Variants in KCNK10 observed in about 807,000 individuals in gnomAD.
KCNK10 encodes potassium two pore domain channel subfamily K member 10.
Under a neutral mutation model 47.7 loss-of-function variants are expected in KCNK10, and 25 were observed. The ratio of observed to expected loss-of-function variants is 0.52; its 90% CI spans 0.38 to 0.73. KCNK10 has a LOEUF of 0.73. Ranked by LOEUF, KCNK10 falls within the 30% of genes least tolerant of loss-of-function variation. The pLI, the probability that KCNK10 is intolerant of heterozygous loss-of-function variation, is 0.00. For missense variants in KCNK10, 563 were observed against 714.5 expected (o/e 0.79, Z 2.42); for synonymous variants, 303 against 285.6 (o/e 1.06, Z -0.61).
At chr14:88,297,497 T>A (rs1888009442) in intron 1 of KCNK10, among the ~76,000 whole-genome samples, 1 of 152,212 alleles carries the variant, frequency 6.6e-6, no homozygotes, top group Non-Finnish European at 1.5e-5. Flanking sequence ...ACAGTTTTGG[T>A]TCCTATTAGC....
intron 1 of KCNK10, among the ~76,000 whole-genome samples, chr14:88,273,574 G>T (rs148957933): frequency 8.1e-4 from 124 of 152,276 alleles, no homozygotes; most frequent in African/African-American, 2.6e-3. Context: ...GCTATTCCTT[G>T]TGTGTGCTGA....
chr14:88,303,493 C>T (rs1888145598), intron 1 of KCNK10, among the ~76,000 whole-genome samples: 1 of 151,880 alleles, frequency 6.6e-6, no homozygotes, highest in African/African-American at 2.4e-5. Context: ...CTGTGAAAGG[C>T]CTAAAGGAAT....
chr14:88,204,742 A>C (rs1885209836), intron 4 of KCNK10, among the ~76,000 whole-genome samples: 1 of 152,118 alleles, frequency 6.6e-6, no homozygotes, highest in Non-Finnish European at 1.5e-5. Context: ...TGATTTTTTT[A>C]GAACCATTTT....
At chr14:88,224,365 A>G (rs1372537086) in intron 4 of KCNK10, among the ~76,000 whole-genome samples, 3 of 152,234 alleles carry the variant, frequency 2.0e-5, no homozygotes, top group Non-Finnish European at 2.9e-5. Flanking sequence ...TTTGATCTCC[A>G]TCTGACTCCT....
chr14:88,214,655 C>T (rs1032741183), intron 4 of KCNK10, among the ~76,000 whole-genome samples: 4 of 152,052 alleles, frequency 2.6e-5, no homozygotes, highest in Admixed American at 2.0e-4. Flanking sequence ...GATTAACCTC[C>T]AAGAAAAGAG....
intron 4 of KCNK10, among the ~76,000 whole-genome samples, chr14:88,217,743 G>A (rs1204829285): frequency 6.8e-6 from 1 of 147,616 alleles, no homozygotes; most frequent in Admixed American, 6.7e-5. Context: ...TTTTTTTTGA[G>A]ACAGAGTTTC....
intron 1 of KCNK10, among the ~76,000 whole-genome samples, chr14:88,320,198 G>A (rs1389805648): frequency 2.0e-5 from 3 of 152,292 alleles, no homozygotes; most frequent in African/African-American, 7.2e-5. Context: ...GAAAATAATT[G>A]TATGAAACAA....
chr14:88,207,329 C>T (rs1223726468), intron 4 of KCNK10, among the ~76,000 whole-genome samples: 7 of 152,100 alleles, frequency 4.6e-5, no homozygotes, highest in Admixed American at 2.0e-4. Context: ...CCCGCCATCG[C>T]GCCCGGCTAA....
chr14:88,263,400 C>T lies in KCNK10; in HGVS notation c.204G>A (p.Leu68=), dbSNP rs770934676. The change falls in exon 2 of 7, where the codon TTG becomes TTA. Residue 68 remains leucine (L), a synonymous_variant. Transcript: ENST00000319231. ...CCGTCTTCCACTTCATGACGGTCTGCAAGCCCCCTTGGGAGGTGCCTTCCA... is the reference window on the plus strand; with the variant it reads ...CCGTCTTCCACTTCATGACGGTCTGTAAGCCCCCTTGGGAGGTGCCTTCCA... The part of the protein sequence containing the change: ...ARMEGTSQGG[L]QTVMKWKTVV... 131 of 1,614,016 alleles carry T rather than the reference C, an allele frequency of 8.1e-5. No individual in the cohort carries two copies. The highest frequency in any genetic ancestry group is 3.2e-4 in the Admixed American group (19 of 60,012).
chr14:88,272,377 G>A (rs541538115), intron 1 of KCNK10, among the ~76,000 whole-genome samples: 12 of 152,254 alleles, frequency 7.9e-5, no homozygotes, highest in Admixed American at 2.0e-4. Context: ...CAGTGCCACC[G>A]AAGAGGAGAC....
chr14:88,215,276 G>A (rs1019516200), intron 4 of KCNK10, among the ~76,000 whole-genome samples: 6 of 152,128 alleles, frequency 3.9e-5, no homozygotes, highest in South Asian at 4.1e-4. Flanking sequence ...TCACAGTTCC[G>A]CATGGCCGAG....
At chr14:88,213,302 G>A (rs1045692805) in intron 4 of KCNK10, among the ~76,000 whole-genome samples, 8 of 152,052 alleles carry the variant, frequency 5.3e-5, no homozygotes, top group East Asian at 1.9e-4. Context: ...AAAAAATTAC[G>A]ATAATTTTTT....
rs1471796445 is a variant in KCNK10 at position 88,191,462 on chromosome 14, G to A, written c.868+762C>T. ...AACTGATCACTTGTCTGAACATCTA[G>A]AACTATCCTATTAGAAAAAGAGAAG... is the stretch of plus-strand genomic sequence containing the variant. On this transcript the variant is annotated intron_variant, in intron 5 of 6. Coordinates refer to ENST00000319231, the MANE Select transcript of KCNK10 (RefSeq NM_138317.3). Among the ~76,000 whole-genome samples the A allele has an allele frequency of 3.9e-5, 6 of 152,106 alleles. No homozygotes were observed. In the East Asian group the frequency reaches 1.2e-3, roughly 29 times the overall value.
chr14:88,199,140 G>A (rs1291557512), intron 4 of KCNK10, among the ~76,000 whole-genome samples: 1 of 152,016 alleles, frequency 6.6e-6, no homozygotes, highest in African/African-American at 2.4e-5. Context: ...TGCTGGTCTT[G>A]AACTCCTGAC....
At chr14:88,263,706 T>G (rs2139754543) in intron 1 of KCNK10, among the ~76,000 whole-genome samples, 155 bp from the exon 2 acceptor site, 1 of 152,074 alleles carries the variant, frequency 6.6e-6, no homozygotes, top group East Asian at 1.9e-4. Context: ...GGGAATTTGA[T>G]CAGTTGCTAG....
At chr14:88,231,510 A>C (rs1429807129) in intron 3 of KCNK10, among the ~76,000 whole-genome samples, 2 of 152,124 alleles carry the variant, frequency 1.3e-5, no homozygotes, top group Non-Finnish European at 2.9e-5. Context: ...CATTTCACAG[A>C]TATTGGTAAG....
chr14:88,259,426 CAGAAATGCTTCCT>C (rs2139748652), intron 2 of KCNK10, among the ~76,000 whole-genome samples: 1 of 152,236 alleles, frequency 6.6e-6, no homozygotes, highest in South Asian at 2.1e-4. Flanking sequence ...GGAGAAGAAA[CAGAAATGCTTCCT>C]GTTAGGCAGC....
chr14:88,192,638 A>C (rs1884786550), intron 4 of KCNK10, among the ~76,000 whole-genome samples: 1 of 152,214 alleles, frequency 6.6e-6, no homozygotes, highest in Non-Finnish European at 1.5e-5. Flanking sequence ...GTTCGTGGAC[A>C]CCAGGTCAAA....
intron 5 of KCNK10, among the ~76,000 whole-genome samples, chr14:88,191,340 AACACACACACACAC>A: frequency 6.7e-6 from 1 of 150,066 alleles, no homozygotes; most frequent in South Asian, 2.1e-4. Flanking sequence ...TGGTAAAGGA[AACACACACACACAC>A]ACACACACAC....
Sources: allele counts gnomAD v4.1 joint callset (sites outside exome capture counted in the v4.1 genomes callset), GRCh38; gene constraint gnomAD v4.1.1; transcripts MANE v1.5; gene names NCBI Gene and HGNC (gene_info 2026-07-23, HGNC 2026-07-21).